Variants in PHACTR3 observed in about 807,000 individuals in gnomAD.
PHACTR3 encodes the protein protein phosphatase 1, regulatory subunit 123.
Under a neutral mutation model 66.8 loss-of-function variants are expected in PHACTR3, and 16 were observed. That is an observed-to-expected ratio of 0.24 (90% CI 0.16 to 0.36). The LOEUF (loss-of-function observed/expected upper bound fraction) is 0.36. Among genes scored for constraint, PHACTR3 ranks in the 10% least tolerant of loss-of-function variants. The pLI, the probability that PHACTR3 is intolerant of heterozygous loss-of-function variation, is 1.00. For synonymous variants in PHACTR3, 323 were observed against 292.1 expected (o/e 1.11, Z -1.08); for missense variants, 647 against 719.9 (o/e 0.90, Z 1.16).
intron 1 of PHACTR3, among the ~76,000 whole-genome samples, chr20:59,727,349 A>G (rs1399200023): frequency 6.6e-6 from 1 of 151,966 alleles, no homozygotes. Context: ...CCGCTGATGG[A>G]CATTTGGGCT....
intron 1 of PHACTR3, among the ~76,000 whole-genome samples, chr20:59,668,363 G>A (rs1422488948): frequency 6.6e-6 from 1 of 152,022 alleles, no homozygotes; most frequent in Non-Finnish European, 1.5e-5. Context: ...CTTAGAGGTG[G>A]GCACGTACAC....
chr20:59,737,617 AAAAT>A (rs2038999240), intron 1 of PHACTR3, among the ~76,000 whole-genome samples: 1 of 151,974 alleles, frequency 6.6e-6, no homozygotes, highest in Non-Finnish European at 1.5e-5. Context: ...TGTGATGAGA[AAAAT>A]AAAGAGGAAG....
intron 4 of PHACTR3, among the ~76,000 whole-genome samples, chr20:59,766,676 G>A (rs374920277): frequency 6.6e-6 from 1 of 152,190 alleles, no homozygotes; most frequent in Non-Finnish European, 1.5e-5. Flanking sequence ...TAGGGCTGCT[G>A]CAAACAGACA....
chr20:59,722,817 C>T (rs1420137718), intron 1 of PHACTR3, among the ~76,000 whole-genome samples: 2 of 151,794 alleles, frequency 1.3e-5, no homozygotes, highest in Admixed American at 6.6e-5. Flanking sequence ...GGAGGAGCCT[C>T]TGCTCACGGT....
At chr20:59,765,431 G>A (rs1005873513) in intron 4 of PHACTR3, among the ~76,000 whole-genome samples, 10 of 152,138 alleles carry the variant, frequency 6.6e-5, no homozygotes, top group Non-Finnish European at 8.8e-5. Flanking sequence ...TGAGTCTGCC[G>A]TCTGCAGCTG....
At chr20:59,727,388 T>C (rs1411709997) in intron 1 of PHACTR3, among the ~76,000 whole-genome samples, 1 of 152,112 alleles carries the variant, frequency 6.6e-6, no homozygotes. Flanking sequence ...ACTTTCTGCC[T>C]GATGTAAAAG....
chr20:59,800,129 A>G (rs1485537878), intron 7 of PHACTR3, among the ~76,000 whole-genome samples: 3 of 152,162 alleles, frequency 2.0e-5, no homozygotes, highest in African/African-American at 7.2e-5. Context: ...GTTGTTGTCC[A>G]TTCCACTCAT....
At chr20:59,661,365 G>T (rs79964386) in intron 1 of PHACTR3, among the ~76,000 whole-genome samples, 4,048 of 152,228 alleles carry the variant, frequency 0.027, 81 homozygotes, top group Non-Finnish European at 0.04. Context: ...GGTGGGGAAG[G>T]GGGGAGCATG....
chr20:59,762,942 G>A (rs189154605), intron 4 of PHACTR3, among the ~76,000 whole-genome samples: 3 of 152,340 alleles, frequency 2.0e-5, no homozygotes, highest in East Asian at 1.9e-4. Context: ...GAAGGATGGC[G>A]TGGGGCATCT....
At chr20:59,618,153 C>A (rs558267253) in intron 1 of PHACTR3, among the ~76,000 whole-genome samples, 17 of 152,292 alleles carry the variant, frequency 1.1e-4, no homozygotes, top group African/African-American at 3.8e-4. Context: ...ATTGGCAGTG[C>A]AAAGGCCAGG....
chr20:59,767,423 T>A (rs1200101477), intron 5 of PHACTR3, 28 bp downstream of exon 5: 1 of 1,602,134 alleles, frequency 6.2e-7, no homozygotes, highest in South Asian at 1.1e-5. Flanking sequence ...CTGCCCATTC[T>A]ATTTCCTTTC....
intron 7 of PHACTR3, among the ~76,000 whole-genome samples, chr20:59,791,594 C>CTT (rs529215124): frequency 2.8e-5 from 4 of 143,306 alleles, no homozygotes; most frequent in Admixed American, 7.0e-5. Context: ...TTTCTTTTTT[C>CTT]TTTTTTTTTT....
chr20:59,678,505 T>G (rs1257262050), intron 1 of PHACTR3, among the ~76,000 whole-genome samples: 1 of 152,108 alleles, frequency 6.6e-6, no homozygotes, highest in Non-Finnish European at 1.5e-5. Flanking sequence ...GCAGTTTCTC[T>G]CCAGTCCTGA....
At chr20:59,811,940 C>T (rs993713592) in intron 8 of PHACTR3, among the ~76,000 whole-genome samples, 1 of 152,214 alleles carries the variant, frequency 6.6e-6, no homozygotes, top group Non-Finnish European at 1.5e-5. Context: ...GTCATAAAAG[C>T]ACATTCTCAG....
chr20:59,647,869 T>A (rs1256860434), intron 1 of PHACTR3, among the ~76,000 whole-genome samples: 1 of 152,170 alleles, frequency 6.6e-6, no homozygotes, highest in Non-Finnish European at 1.5e-5. Context: ...ATCTGTGAAA[T>A]GGGGGATTTT....
At chr20:59,846,481 T>C (rs921192936) in intron 12 of PHACTR3, among the ~76,000 whole-genome samples, 3 of 152,210 alleles carry the variant, frequency 2.0e-5, no homozygotes, top group African/African-American at 7.2e-5. Context: ...ACAGTTTCAG[T>C]AAATCATGCA....
chr20:59,828,183 G>C (rs1227931491), intron 8 of PHACTR3, among the ~76,000 whole-genome samples: 2 of 152,128 alleles, frequency 1.3e-5, no homozygotes, highest in African/African-American at 4.8e-5. Context: ...CTGTATTACA[G>C]GTGGCGTCTC....
At chr20:59,635,532 C>A (rs2034870189) in intron 1 of PHACTR3, among the ~76,000 whole-genome samples, 1 of 151,870 alleles carries the variant, frequency 6.6e-6, no homozygotes, top group Non-Finnish European at 1.5e-5. Context: ...TCGTGCCCGG[C>A]CTGCTCCTTG....
chr20:59,663,137 C>T (rs1399261429), intron 1 of PHACTR3, among the ~76,000 whole-genome samples: 1 of 152,234 alleles, frequency 6.6e-6, no homozygotes, highest in Non-Finnish European at 1.5e-5. Flanking sequence ...CTTTACTGTG[C>T]ATGTCTCTGC....
Sources: gnomAD v4.1 joint callset for allele counts (sites outside exome capture counted in the v4.1 genomes callset) on GRCh38, gnomAD v4.1.1 for gene constraint, MANE v1.5 for transcripts, NCBI Gene and HGNC (gene_info 2026-07-23, HGNC 2026-07-21) for gene names.